Variants in MTNR1A observed in about 807,000 individuals in gnomAD.
The protein encoded by MTNR1A is melatonin receptor type 1A.
MTNR1A carries 7 observed loss-of-function variants against 5.5 expected under a neutral mutation model. That is an observed-to-expected ratio of 1.28 (90% CI 0.73 to 2.40). The LOEUF (loss-of-function observed/expected upper bound fraction) is 2.40, where lower values mean the gene tolerates loss of function less well. MTNR1A is among the 30% of genes most tolerant of loss of function. The pLI, the probability that MTNR1A is intolerant of heterozygous loss-of-function variation, is 0.00. For synonymous variants in MTNR1A, 196 were observed against 202.7 expected (o/e 0.97, Z 0.28); for missense variants, 441 against 464.4 (o/e 0.95, Z 0.46).
chr4:186,544,201 A>G (rs1392069935), intron 1 of MTNR1A, among the ~76,000 whole-genome samples: 1 of 152,044 alleles, frequency 6.6e-6, no homozygotes, highest in Non-Finnish European at 1.5e-5. Context: ...TTGTATTTTT[A>G]GTTGAGATGG....
chr4:186,547,117 C>CTGT (rs1359402639), intron 1 of MTNR1A, among the ~76,000 whole-genome samples: 1 of 44,328 alleles, frequency 2.3e-5, no homozygotes. Flanking sequence ...CTGGGACACA[C>CTGT]CGTCCTCACA....
chr4:186,548,679 A>C (rs978160251), intron 1 of MTNR1A, among the ~76,000 whole-genome samples: 2 of 151,728 alleles, frequency 1.3e-5, no homozygotes, highest in African/African-American at 4.8e-5. Context: ...CACACGCATG[A>C]GATGGCAAAG....
chr4:186,541,313 T>C (rs1310893091), intron 1 of MTNR1A, among the ~76,000 whole-genome samples: 1 of 152,186 alleles, frequency 6.6e-6, no homozygotes, highest in Admixed American at 6.5e-5. Flanking sequence ...TTGTTCATTT[T>C]TCCTGGAAGG....
At chr4:186,551,980 G>T (rs1465714652) in intron 1 of MTNR1A, among the ~76,000 whole-genome samples, 2 of 152,048 alleles carry the variant, frequency 1.3e-5, no homozygotes, top group African/African-American at 4.8e-5. Flanking sequence ...GCTTTTGACA[G>T]GTATCTTTCT....
chr4:186,555,401 C>T lies in MTNR1A; in HGVS notation c.-36G>A. 3 of 1,354,074 alleles carry T rather than the reference C, an allele frequency of 2.2e-6. No individual in the cohort carries two copies. Among genetic ancestry groups the T allele is most frequent in the South Asian group, 1.9e-5 (1 of 51,782 alleles). 83.9% of individuals were successfully genotyped at this position (1,354,074 alleles called of 1,614,324 possible). On this transcript the variant is annotated 5_prime_UTR_variant, in exon 1 of 2. Transcript: ENST00000307161. This position sits in a 1 kb window ranked among gnomAD's most constrained non-coding sequence, Gnocchi z 4.1. The stretch of plus-strand genomic sequence containing the variant: ...CGCGTCCCGGCCGCGGGGCCATCGC[C>T]CGCCTCGTCCGCCCGCCCGACCACT...
At chr4:186,535,367 T>A (rs967149012) in intron 1 of MTNR1A, among the ~76,000 whole-genome samples, 1 of 151,538 alleles carries the variant, frequency 6.6e-6, no homozygotes. Context: ...TCAATTAATA[T>A]AACAACACAT....
At position 186,534,189 on chromosome 4, in the gene MTNR1A, A is replaced by G. The variant is rs746723591; in HGVS notation, c.553T>C (p.Ser185Pro). ...YSCTFAQSVS[S>P]AYTIAVVVFH... is the part of the protein sequence containing the mutation. ...ACCACCACGGCGATGGTGTAGGCGG[A>G]GCTGACGGACTGGGCGAAGGTGCAC... is the stretch of plus-strand genomic sequence containing the variant. Residue 185 changes from serine (S) to proline (P), a missense_variant, in exon 2 of 2, where the codon TCC (serine) becomes CCC (proline). Physicochemically the swap from Ser to Pro is moderately conservative, Grantham distance 74. Coordinates refer to ENST00000307161, the MANE Select transcript of MTNR1A (RefSeq NM_005958.4). 2 of 1,613,606 alleles carry G rather than the reference A, an allele frequency of 1.2e-6. No individual in the cohort carries two copies. The highest frequency in any genetic ancestry group is 4.5e-5 in the East Asian group (2 of 44,852).
chr4:186,554,809 GAAAACT>G (rs1461593279), intron 1 of MTNR1A, among the ~76,000 whole-genome samples: 3 of 152,204 alleles, frequency 2.0e-5, no homozygotes, highest in Non-Finnish European at 4.4e-5. Flanking sequence ...ACAATGTTGG[GAAAACT>G]AAATCACATG....
At chr4:186,542,533 G>C (rs1292042857) in intron 1 of MTNR1A, among the ~76,000 whole-genome samples, 1 of 152,178 alleles carries the variant, frequency 6.6e-6, no homozygotes, top group Admixed American at 6.5e-5. Flanking sequence ...GGCTTTTGAA[G>C]GTTCAGTTTC....
At chr4:186,544,234 T>G (rs1192036407) in intron 1 of MTNR1A, among the ~76,000 whole-genome samples, 1 of 152,200 alleles carries the variant, frequency 6.6e-6, no homozygotes, top group African/African-American at 2.4e-5. Flanking sequence ...TTGGCCAGGA[T>G]AGTCTCGATC....
chr4:186,535,939 T>C (rs534770893), intron 1 of MTNR1A, among the ~76,000 whole-genome samples: 2 of 152,242 alleles, frequency 1.3e-5, no homozygotes, highest in East Asian at 3.8e-4. Context: ...AAGCACTTTA[T>C]ACTGCTTTTT....
intron 1 of MTNR1A, among the ~76,000 whole-genome samples, chr4:186,547,232 A>G (rs113418796): frequency 1.2e-4 from 6 of 49,660 alleles, no homozygotes; most frequent in African/African-American, 2.4e-4. Flanking sequence ...CACCCTGTTC[A>G]TGGGACACAC....
chr4:186,551,593 G>A (rs1737268777), intron 1 of MTNR1A, among the ~76,000 whole-genome samples: 1 of 152,116 alleles, frequency 6.6e-6, no homozygotes, highest in African/African-American at 2.4e-5. Flanking sequence ...TGGCTGGATG[G>A]ATGAATGGGT....
intron 1 of MTNR1A, among the ~76,000 whole-genome samples, chr4:186,544,040 G>C (rs1177353939): frequency 6.6e-6 from 1 of 152,062 alleles, no homozygotes; most frequent in Non-Finnish European, 1.5e-5. Flanking sequence ...GATGGAGTCT[G>C]GCTCTGTCAC....
At chr4:186,536,965 G>A (rs958705042) in intron 1 of MTNR1A, among the ~76,000 whole-genome samples, 1 of 152,152 alleles carries the variant, frequency 6.6e-6, no homozygotes, top group Non-Finnish European at 1.5e-5. Flanking sequence ...TGTTCCCAGA[G>A]TGTCATGATG....
intron 1 of MTNR1A, among the ~76,000 whole-genome samples, chr4:186,548,662 C>T (rs1400369461): frequency 6.6e-6 from 1 of 151,378 alleles, no homozygotes; most frequent in Non-Finnish European, 1.5e-5. Flanking sequence ...GGTCACTTGC[C>T]CTATGTCACA....
Position 186,534,047 on chromosome 4 carries a change from T to C in MTNR1A, c.695A>G (p.Gln232Arg), listed in dbSNP as rs747815814. 1 of 1,613,976 alleles carries C rather than the reference T, an allele frequency of 6.2e-7. No individual in the cohort carries two copies. Among genetic ancestry groups the C allele is most frequent in the Non-Finnish European group, 8.5e-7 (1 of 1,180,042 alleles). The change falls in exon 2 of 2, where the codon CAG (glutamine) becomes CGG (arginine). Residue 232 changes from glutamine (Q) to arginine (R), a missense_variant. Transcript: ENST00000307161. ...CATGGTGACAAAATTCCTGAAGTCC[T>C]GTGGTTTCAGTTTGGGTTTGCGGTC... ...KPDRKPKLKP[Q>R]DFRNFVTMFV... is the part of the protein sequence containing the mutation.
chr4:186,555,114 A>G lies in MTNR1A; in HGVS notation c.184+68T>C. 1.3e-6 allele frequency: 2 copies of G among 1,483,436 alleles called. No homozygotes were observed. Among genetic ancestry groups the G allele is most frequent in the Admixed American group, 3.9e-5 (2 of 51,388 alleles). 91.9% of individuals were successfully genotyped at this position (1,483,436 alleles called of 1,614,324 possible). ...GGAAAAAGAACCAAGTGCTTGGGGA[A>G]GGCTGGCTGCCCGCGGAGAGGCGCT... On this transcript the variant is annotated intron_variant, in intron 1 of 1. Coordinates refer to ENST00000307161, the MANE Select transcript of MTNR1A (RefSeq NM_005958.4). The surrounding 1 kb of genome is among the most constrained non-coding windows in gnomAD (Gnocchi z 4.1).
intron 1 of MTNR1A, among the ~76,000 whole-genome samples, chr4:186,542,137 C>T (rs978489282): frequency 2.6e-5 from 4 of 152,298 alleles, no homozygotes; most frequent in African/African-American, 7.2e-5. Flanking sequence ...TGCTGCACTG[C>T]TGAATGTCCA....
Sources: allele counts gnomAD v4.1 joint callset (sites outside exome capture counted in the v4.1 genomes callset), GRCh38; gene constraint gnomAD v4.1.1; non-coding constraint Gnocchi (gnomAD v3.1); transcripts MANE v1.5; gene names NCBI Gene and HGNC (gene_info 2026-07-23, HGNC 2026-07-21).